MESD: variants seen among roughly 807,000 people sequenced by gnomAD.
MESD encodes the protein mesoderm development LRP chaperone.
A neutral mutation model predicts 12.9 loss-of-function variants in MESD; 7 were observed. The ratio of observed to expected loss-of-function variants is 0.54; its 90% confidence interval spans 0.31 to 1.02. The LOEUF is 1.02. Among genes scored for constraint, MESD ranks in the 50% least tolerant of loss-of-function variants. The probability of loss-of-function intolerance (pLI) is 0.05; values close to 1 mark genes in which losing one functional copy is unlikely to be tolerated. For synonymous variants in MESD, 126 were observed against 115.6 expected (o/e 1.09, Z -0.58); for missense variants, 342 against 296.7 (o/e 1.15, Z -1.12).
intron 3 of MESD, chr15:80,953,096 G>A (rs1477365064): frequency 1.8e-5 from 8 of 455,948 alleles, no homozygotes; most frequent in Admixed American, 7.0e-5. Context: ...CTGACAGAGG[G>A]GCAGCTATCA....
At chr15:80,972,014 A>G (rs977924381), downstream of MESD, among the ~76,000 whole-genome samples, 8 of 152,188 alleles carry the variant, frequency 5.3e-5, no homozygotes, top group African/African-American at 1.7e-4. Context: ...TGCTCATTTC[A>G]ACGTTATTGA....
intron 1 of MESD, among the ~76,000 whole-genome samples, chr15:80,988,474 T>C (rs1163992369): frequency 2.6e-5 from 4 of 152,198 alleles, no homozygotes; most frequent in Admixed American, 1.3e-4. Context: ...AAAGGCTTTA[T>C]TTGCTGGAGT....
At chr15:80,962,749 T>C (rs908442188) in intron 3 of MESD, among the ~76,000 whole-genome samples, 1 of 151,970 alleles carries the variant, frequency 6.6e-6, no homozygotes, top group Admixed American at 6.6e-5. Context: ...GGGTAAATAA[T>C]GAAATGAAGG....
rs567767177 is a variant in MESD, at chr15:80,959,246, C to T, written c.*289-6950G>A. 4.3e-4 allele frequency among the ~76,000 whole-genome samples: 66 copies of T among 152,318 alleles called. 1 individual carries two copies. The South Asian group carries it at 0.013, about 31-fold the overall frequency. On this transcript the variant is annotated intron_variant, in intron 3 of 4. Transcript: ENST00000561312. ...GTGAGAGGGTAGAGGTTGAAGGTGCCTCTCGCCCAGAGATGACCGAAGGTA... is the reference window on the plus strand; with the variant it reads ...GTGAGAGGGTAGAGGTTGAAGGTGCTTCTCGCCCAGAGATGACCGAAGGTA...
downstream of MESD, chr15:80,946,490 C>T (rs1173599367): frequency 5.7e-6 from 1 of 174,150 alleles, no homozygotes; most frequent in Non-Finnish European, 1.2e-5. Context: ...TATGATTTGA[C>T]AGATGCTCCC....
At chr15:80,948,674 G>A (rs1292601243) in exon 5 of MESD, 2 of 1,280,816 alleles carry the variant, frequency 1.6e-6, no homozygotes, top group Non-Finnish European at 2.3e-6. Flanking sequence ...AGGGGCCACA[G>A]TGCAGTGTGG....
intron 3 of MESD, among the ~76,000 whole-genome samples, chr15:80,968,832 C>A (rs557180574): frequency 1.3e-5 from 2 of 152,230 alleles, no homozygotes; most frequent in East Asian, 3.9e-4. Flanking sequence ...AGTCCAACAC[C>A]AGAACTGTGC....
At chr15:80,960,116 C>T (rs1902059210) in intron 3 of MESD, among the ~76,000 whole-genome samples, 1 of 152,174 alleles carries the variant, frequency 6.6e-6, no homozygotes, top group African/African-American at 2.4e-5. Context: ...GTAATCCCAG[C>T]ACTTTGGGAG....
chr15:80,963,398 G>A (rs1902121922), intron 3 of MESD, among the ~76,000 whole-genome samples: 1 of 152,134 alleles, frequency 6.6e-6, no homozygotes, highest in Non-Finnish European at 1.5e-5. Context: ...TCTACCAGAG[G>A]TACAAAGAGG....
chr15:80,955,223 A>C (rs958522879), intron 3 of MESD, among the ~76,000 whole-genome samples: 1 of 150,676 alleles, frequency 6.6e-6, no homozygotes, highest in African/African-American at 2.4e-5. Flanking sequence ...CGGTGGCTCA[A>C]GCCTGTAATC....
At chr15:80,954,230 C>T (rs1446124583) in intron 3 of MESD, among the ~76,000 whole-genome samples, 2 of 152,206 alleles carry the variant, frequency 1.3e-5, no homozygotes, top group Admixed American at 6.5e-5. Context: ...GCCCCCTGTC[C>T]CAGGCTAACA....
intron 2 of MESD, among the ~76,000 whole-genome samples, chr15:80,981,351 G>A (rs952586337): frequency 6.7e-6 from 1 of 148,296 alleles, no homozygotes; most frequent in Non-Finnish European, 1.5e-5. Context: ...GCAGGAGAAT[G>A]GCGTGAACCG....
chr15:80,959,331 C>T (rs28593334), intron 3 of MESD, among the ~76,000 whole-genome samples: 7,533 of 152,274 alleles, frequency 0.049, 234 homozygotes, highest in Middle Eastern at 0.18. Context: ...TGGGTCAGTG[C>T]ATTCACTCCT....
At chr15:80,984,085 G>A (rs186834867) in intron 1 of MESD, among the ~76,000 whole-genome samples, 108 of 152,018 alleles carry the variant, frequency 7.1e-4, no homozygotes, top group Middle Eastern at 3.4e-3. Flanking sequence ...ATTTTTAGTA[G>A]AGACGGGGTT....
intron 1 of MESD, among the ~76,000 whole-genome samples, chr15:80,986,863 A>G (rs1319968183): frequency 6.6e-6 from 1 of 152,230 alleles, no homozygotes; most frequent in African/African-American, 2.4e-5. Context: ...GATATTAATA[A>G]TAAGTGACAT....
At chr15:80,982,926 A>T (rs954180190) in intron 1 of MESD, among the ~76,000 whole-genome samples, 6 of 152,104 alleles carry the variant, frequency 3.9e-5, no homozygotes, top group Non-Finnish European at 5.9e-5. Flanking sequence ...AAAAAAATTT[A>T]AAAGTAGCCA....
chr15:80,958,799 G>A (rs367854610), intron 3 of MESD, among the ~76,000 whole-genome samples: 2 of 152,196 alleles, frequency 1.3e-5, no homozygotes, highest in African/African-American at 2.4e-5. Context: ...GTCTTTTCAA[G>A]GTCCTTGATG....
At chr15:80,982,628 A>C (rs1902611155) in intron 1 of MESD, among the ~76,000 whole-genome samples, 1 of 152,250 alleles carries the variant, frequency 6.6e-6, no homozygotes, top group Admixed American at 6.5e-5. Context: ...AAGAATGAGC[A>C]AAACTAATCT....
intron 1 of MESD, among the ~76,000 whole-genome samples, chr15:80,985,794 A>G (rs1902715604): frequency 6.6e-6 from 1 of 151,948 alleles, no homozygotes; most frequent in African/African-American, 2.4e-5. Context: ...TGGGACCACA[A>G]GTGCATGCCA....
Sources: gnomAD v4.1 joint callset for allele counts (sites outside exome capture counted in the v4.1 genomes callset) on GRCh38, gnomAD v4.1.1 for gene constraint, MANE v1.5 for transcripts, NCBI Gene and HGNC (gene_info 2026-07-23, HGNC 2026-07-21) for gene names.